The following PHF2 variants were observed in gnomAD, a reference collection of about 807,000 sequenced individuals.
PHF2 encodes the protein PHD finger protein 2.
A neutral mutation model predicts 120.5 loss-of-function variants in PHF2; 27 were observed. The ratio of observed to expected loss-of-function variants is 0.22; its 90% CI spans 0.17 to 0.31. The LOEUF is 0.31. Among genes scored for constraint, PHF2 ranks in the 10% least tolerant of loss-of-function variants. PHF2 has a pLI of 1.00. For synonymous variants in PHF2, 568 were observed against 592.5 expected (o/e 0.96, Z 0.60); for missense variants, 1,024 against 1,434.8 (o/e 0.71, Z 4.63).
Position 93,576,782 on chromosome 9 carries a change from G to A in PHF2, c.9G>A (p.Thr3=). 2 of 1,261,626 alleles carry A rather than the reference G, an allele frequency of 1.6e-6. No homozygotes were observed. The highest frequency in any genetic ancestry group is 2.4e-5 in the Admixed American group (1 of 41,620). The allele number at this position is 1,261,626 out of a possible 1,614,324, so 78.2% of individuals were successfully genotyped here. Residue 3 remains threonine, a synonymous_variant, in exon 1 of 22, where the codon ACG becomes ACA. Coordinates refer to ENST00000359246, the MANE Select transcript of PHF2 (RefSeq NM_005392.4). MA[T]VPVYCVCRLP... is the part of the protein sequence containing the mutation. ...CGGCGCGGCGCGGCAACATGGCGAC[G>A]GTGCCCGTGTACTGCGTCTGCCGGC...
rs1402884649 is a variant in PHF2, at chr9:93,677,603, A to G, written c.3218A>G (p.Lys1073Arg). ...NTAAKGKRTK[K>R]GMATAKQRLG... ...ACTCCCCTAGGAAAACGTACGAAAA[A>G]GGGCATGGCGACCGCCAAGCAGAGG... is the stretch of plus-strand genomic sequence containing the variant. Residue 1073 changes from lysine to arginine, a missense_variant, in exon 22 of 22, where the codon AAG becomes AGG. By Grantham distance (26) the Lys-to-Arg change is conservative. Transcript: ENST00000359246. This position sits in a 1 kb window ranked among gnomAD's most constrained non-coding sequence, Gnocchi z 4.4. 24 of 1,613,350 alleles carry G rather than the reference A, an allele frequency of 1.5e-5. No homozygotes were observed. Among genetic ancestry groups the G allele is most frequent in the Non-Finnish European group, 1.9e-5 (23 of 1,179,708 alleles).
chr9:93,641,613 C>T (rs1207213551), intron 3 of PHF2, among the ~76,000 whole-genome samples: 1 of 152,204 alleles, frequency 6.6e-6, no homozygotes, highest in African/African-American at 2.4e-5. Context: ...AACAATTCCA[C>T]ATTATTTTAG....
At chr9:93,580,613 G>A (rs1862914453) in intron 1 of PHF2, among the ~76,000 whole-genome samples, 1 of 152,234 alleles carries the variant, frequency 6.6e-6, no homozygotes. Context: ...TTAACATGTA[G>A]CTTTCTGGCC....
At chr9:93,647,628 G>A (rs936901569) in intron 4 of PHF2, among the ~76,000 whole-genome samples, 18 of 152,146 alleles carry the variant, frequency 1.2e-4, no homozygotes, top group Non-Finnish European at 2.9e-5. Flanking sequence ...GGTAGCTCAC[G>A]CCTGTAATCC....
At position 93,576,756 on chromosome 9, in the gene PHF2, GC is replaced by G; in HGVS notation, c.-17del. ...GGCAGCGCAGCGGCGGGGCCGAGCGGCGGCGCGGCGCGGCAACATGGCGACG... is the reference window on the plus strand; with the variant it reads ...GGCAGCGCAGCGGCGGGGCCGAGCGGGGCGCGGCGCGGCAACATGGCGACG... On this transcript the variant is annotated 5_prime_UTR_variant, in exon 1 of 22. Transcript: ENST00000359246. The G allele has an allele frequency of 8.5e-7, 1 of 1,177,652 alleles. No homozygotes were observed. The highest frequency in any genetic ancestry group is 1.1e-6 in the Non-Finnish European group (1 of 922,408). 73.0% of individuals were successfully genotyped at this position (1,177,652 alleles called of 1,614,324 possible).
chr9:93,631,939 G>A (rs1826008912), intron 2 of PHF2, among the ~76,000 whole-genome samples: 1 of 152,054 alleles, frequency 6.6e-6, no homozygotes, highest in South Asian at 2.1e-4. Flanking sequence ...CTGATAGTCA[G>A]CATACATTTC....
chr9:93,652,959 C>T (rs930266663), intron 5 of PHF2, among the ~76,000 whole-genome samples: 1 of 152,136 alleles, frequency 6.6e-6, no homozygotes, highest in Non-Finnish European at 1.5e-5. Context: ...GGGGTGGAGG[C>T]CAGCGTCAGA....
Position 93,675,687 on chromosome 9 carries a change from C to G in PHF2, c.2730C>G (p.Val910=), listed in dbSNP as rs566341958. The change falls in exon 20 of 22, where the codon GTC becomes GTG. Residue 910 remains valine (V), a synonymous_variant. Transcript: ENST00000359246. ...DDAPYSPTAR[V]GPSVPRQDRP... ...GGCCCTTCTTTTCCACAGCAAGGGTCGGCCCATCGGTGCCAAGACAGGACA... is the reference window on the plus strand; with the variant it reads ...GGCCCTTCTTTTCCACAGCAAGGGTGGGCCCATCGGTGCCAAGACAGGACA... 124 of 1,610,572 alleles carry G rather than the reference C, an allele frequency of 7.7e-5. No individual in the cohort carries two copies. Among genetic ancestry groups the G allele is most frequent in the Non-Finnish European group, 9.8e-5 (116 of 1,178,024 alleles).
At chr9:93,631,164 C>T (rs146380376) in intron 2 of PHF2, among the ~76,000 whole-genome samples, 2 of 152,246 alleles carry the variant, frequency 1.3e-5, no homozygotes, top group East Asian at 1.9e-4. Context: ...GAGGCTGGGT[C>T]GAGGGAGCCT....
chr9:93,625,126 A>G (rs951219974), intron 1 of PHF2, among the ~76,000 whole-genome samples: 8 of 152,142 alleles, frequency 5.3e-5, no homozygotes, highest in Admixed American at 2.0e-4. Context: ...GTAACTCCTC[A>G]TTCCTCTCTC....
chr9:93,586,111 C>T (rs1341887814), intron 1 of PHF2, among the ~76,000 whole-genome samples: 1 of 152,222 alleles, frequency 6.6e-6, no homozygotes, highest in Non-Finnish European at 1.5e-5. Flanking sequence ...CTGCACATTG[C>T]CTGGAGAAGG....
At chr9:93,598,004 AC>A (rs1387282576) in intron 1 of PHF2, among the ~76,000 whole-genome samples, 1 of 152,004 alleles carries the variant, frequency 6.6e-6, no homozygotes, top group Admixed American at 6.5e-5. Context: ...CATTGGGGGC[AC>A]CTCTGCCAGC....
At position 93,645,721 on chromosome 9, in the gene PHF2, A is replaced by G; in HGVS notation, c.392A>G (p.Lys131Arg). The change falls in exon 4 of 22, where the codon AAG becomes AGG. Residue 131 changes from lysine (K) to arginine (R), a missense_variant. Physicochemically the swap from Lys to Arg is conservative, Grantham distance 26. Coordinates refer to ENST00000359246, the MANE Select transcript of PHF2 (RefSeq NM_005392.4). ...TTCACCGAGCCCATCCTCGTCCCTA[A>G]GAAAGACGGGCTGGGTCTGGCTGTC... is the stretch of plus-strand genomic sequence containing the variant. ...HGFTEPILVP[K>R]KDGLGLAVPA... 6.2e-7 allele frequency: 1 copy of G among 1,612,350 alleles called. No individual in the cohort carries two copies.
In PHF2 at chr9:93,654,541, C is replaced by T. The variant is rs773163887; in HGVS notation, c.918C>T (p.Ile306=). ...AGGTCGACAAATGCTACAAGTGCAT[C>T]GTCAAGCAGGGCCAGACCCTCTTCA... ...ADQVDKCYKC[I]VKQGQTLFIP... Residue 306 remains isoleucine, a synonymous_variant, in exon 7 of 22, where the codon ATC becomes ATT. Transcript: ENST00000359246. The T allele has an allele frequency of 1.1e-5, 17 of 1,613,874 alleles. No homozygotes were observed. The highest frequency in any genetic ancestry group is 4.4e-5 in the South Asian group (4 of 91,082).
chr9:93,651,006 C>T lies in PHF2; in HGVS notation c.602+1794C>T, dbSNP rs558855287. On this transcript the variant is annotated intron_variant, in intron 5 of 21. Transcript: ENST00000359246. The stretch of plus-strand genomic sequence containing the variant: ...GTGGCTCATGCCTGTAATCCCAAGA[C>T]TTTGGGAGGCTGAGGCAGGAGGATC... Among the ~76,000 whole-genome samples the T allele has an allele frequency of 4.0e-5, 6 of 151,232 alleles. No homozygotes were observed. The East Asian group carries it at 1.2e-3, about 30-fold the overall frequency.
chr9:93,646,256 C>T (rs752125214), intron 4 of PHF2, among the ~76,000 whole-genome samples: 1 of 152,236 alleles, frequency 6.6e-6, no homozygotes, highest in Non-Finnish European at 1.5e-5. Flanking sequence ...TTGCCATCAG[C>T]AGTGCCCATT....
intron 20 of PHF2, among the ~76,000 whole-genome samples, 181 bp downstream of exon 20, chr9:93,675,970 C>T (rs995383106): frequency 3.9e-5 from 6 of 152,206 alleles, no homozygotes; most frequent in African/African-American, 1.2e-4. Flanking sequence ...CTAAATTCCC[C>T]GTGTGGGGTC....
intron 3 of PHF2, among the ~76,000 whole-genome samples, chr9:93,642,778 T>C (rs926736497): frequency 1.3e-5 from 2 of 152,230 alleles, no homozygotes; most frequent in Non-Finnish European, 2.9e-5. Context: ...TTTTCTCTTT[T>C]AGTAGCATTT....
chr9:93,672,682 A>C (rs971227493), intron 17 of PHF2: 2 of 982,364 alleles, frequency 2.0e-6, no homozygotes, highest in Non-Finnish European at 2.4e-6. Flanking sequence ...GTGTGGTTGG[A>C]GGTACAGGTG....
Sources: allele counts gnomAD v4.1 joint callset (sites outside exome capture counted in the v4.1 genomes callset), GRCh38; gene constraint gnomAD v4.1.1; non-coding constraint Gnocchi (gnomAD v3.1); transcripts MANE v1.5; gene names NCBI Gene and HGNC (gene_info 2026-07-23, HGNC 2026-07-21).